TBC1D8: variants seen among roughly 807,000 people sequenced by gnomAD.
TBC1D8 encodes the protein TBC1 domain family member 8.
In TBC1D8, 65 loss-of-function variants were observed where a neutral mutation model predicts 118.8. The ratio of observed to expected loss-of-function variants is 0.55; its 90% CI spans 0.45 to 0.67. TBC1D8 has a LOEUF of 0.67. Ranked by LOEUF, TBC1D8 falls within the 30% of genes least tolerant of loss-of-function variation. The pLI is 0.00. For missense variants in TBC1D8, 1,376 were observed against 1,471.2 expected, an observed-to-expected ratio of 0.94 and a Z score of 1.06; for synonymous variants, 566 against 595.8, an observed-to-expected ratio of 0.95 and a Z score of 0.73.
At chr2:101,043,827 C>A (rs1235514985) in intron 5 of TBC1D8, among the ~76,000 whole-genome samples, 2 of 152,096 alleles carry the variant, frequency 1.3e-5, no homozygotes, top group Non-Finnish European at 2.9e-5. Flanking sequence ...GTAAACCCAG[C>A]TGCTCAGGAG....
chr2:101,097,574 C>G (rs1676550649), intron 1 of TBC1D8, among the ~76,000 whole-genome samples: 1 of 150,970 alleles, frequency 6.6e-6, no homozygotes, highest in Non-Finnish European at 1.5e-5. Context: ...AAAAAATGCA[C>G]CTGCATTTAG....
chr2:101,072,446 G>A (rs796545796), intron 2 of TBC1D8, among the ~76,000 whole-genome samples: 3 of 152,120 alleles, frequency 2.0e-5, no homozygotes, highest in Non-Finnish European at 2.9e-5. Context: ...ACCAAATCTC[G>A]TGTGAACTGA....
chr2:101,054,662 C>CTTTTT (rs1682290047), intron 3 of TBC1D8, among the ~76,000 whole-genome samples: 2 of 37,842 alleles, frequency 5.3e-5, no homozygotes, highest in Admixed American at 4.4e-4. Flanking sequence ...CAATCATTTT[C>CTTTTT]TTTTCTTTTC....
chr2:101,070,469 G>A (rs1683252314), intron 2 of TBC1D8, among the ~76,000 whole-genome samples: 1 of 149,302 alleles, frequency 6.7e-6, no homozygotes, highest in Non-Finnish European at 1.5e-5. Flanking sequence ...CTGGAGTGCA[G>A]TGGCACAATA....
chr2:101,142,632 A>G (rs1185863696), intron 1 of TBC1D8, among the ~76,000 whole-genome samples: 1 of 152,202 alleles, frequency 6.6e-6, no homozygotes, highest in Non-Finnish European at 1.5e-5. Flanking sequence ...AACATAATGC[A>G]GGGGGTGGGG....
chr2:101,105,178 G>A (rs148237231), intron 1 of TBC1D8, among the ~76,000 whole-genome samples: 1 of 152,106 alleles, frequency 6.6e-6, no homozygotes, highest in African/African-American at 2.4e-5. Flanking sequence ...GCTCTGCAAA[G>A]GACACCTGAG....
chr2:101,093,788 C>A (rs1676208170), intron 1 of TBC1D8, among the ~76,000 whole-genome samples: 1 of 151,860 alleles, frequency 6.6e-6, no homozygotes, highest in African/African-American at 2.4e-5. Flanking sequence ...TGGCTCACTG[C>A]AACCTCCGCC....
intron 1 of TBC1D8, among the ~76,000 whole-genome samples, chr2:101,092,042 C>T (rs1327018699): frequency 6.6e-6 from 1 of 152,214 alleles, no homozygotes; most frequent in African/African-American, 2.4e-5. Flanking sequence ...GCCCTGCCAT[C>T]TAATCATAAG....
chr2:101,096,635 T>C (rs1322839869), intron 1 of TBC1D8, among the ~76,000 whole-genome samples: 2 of 151,768 alleles, frequency 1.3e-5, no homozygotes, highest in Non-Finnish European at 2.9e-5. Flanking sequence ...TGAGGAAGAA[T>C]TAATAAGAAA....
At chr2:101,038,202 A>G (rs1009308763) in intron 7 of TBC1D8, among the ~76,000 whole-genome samples, 5 of 152,182 alleles carry the variant, frequency 3.3e-5, no homozygotes, top group Admixed American at 6.5e-5. Flanking sequence ...ACGTGCCTCC[A>G]ATCAGGCCAT....
At chr2:101,100,379 A>C (rs1676748642) in intron 1 of TBC1D8, among the ~76,000 whole-genome samples, 1 of 152,188 alleles carries the variant, frequency 6.6e-6, no homozygotes, top group Non-Finnish European at 1.5e-5. Context: ...AAACAAATGG[A>C]AAAACATTTC....
chr2:101,069,623 A>C (rs1683201396), intron 2 of TBC1D8, among the ~76,000 whole-genome samples: 1 of 152,152 alleles, frequency 6.6e-6, no homozygotes. Flanking sequence ...AATAACTAGA[A>C]AATAAGGTGC....
intron 2 of TBC1D8, among the ~76,000 whole-genome samples, chr2:101,075,184 G>C (rs765363410): frequency 1.3e-5 from 2 of 152,144 alleles, no homozygotes; most frequent in African/African-American, 2.4e-5. Context: ...ATCACCTGAG[G>C]TCAGGAGTTT....
intron 2 of TBC1D8, among the ~76,000 whole-genome samples, chr2:101,078,183 C>T (rs1405592063): frequency 6.6e-6 from 1 of 152,212 alleles, no homozygotes; most frequent in East Asian, 1.9e-4. Flanking sequence ...TTGAGTAACA[C>T]AACTCCAGTC....
rs571732049 is a variant in TBC1D8 at position 101,150,853 on chromosome 2, C to G, written c.127+274G>C. ...GGCGTTTCTCCTTCGATTCCCAAGT[C>G]GAGTCCGGCCTCCAGCTCACCGGGC... On this transcript the variant is annotated intron_variant, in intron 1 of 19. Coordinates refer to ENST00000409318, the MANE Select transcript of TBC1D8 (RefSeq NM_001330348.2). 3.3e-5 allele frequency among the ~76,000 whole-genome samples: 5 copies of G among 152,248 alleles called. No individual in the cohort carries two copies. In the East Asian group the frequency reaches 9.7e-4, roughly 29 times the overall value.
chr2:101,017,320 T>C (rs145271492), intron 17 of TBC1D8, among the ~76,000 whole-genome samples: 60 of 152,300 alleles, frequency 3.9e-4, no homozygotes, highest in African/African-American at 1.4e-3. Flanking sequence ...TGATAAATAG[T>C]ATAGTAATTA....
intron 8 of TBC1D8, 29 bp downstream of exon 8, chr2:101,037,503 G>A: frequency 6.2e-7 from 1 of 1,607,204 alleles, no homozygotes; most frequent in Non-Finnish European, 8.5e-7. Context: ...CAGCTTTGTG[G>A]TCCAGCTTGG....
At chr2:101,054,729 C>A (rs1682314910) in intron 3 of TBC1D8, among the ~76,000 whole-genome samples, 1 of 122,456 alleles carries the variant, frequency 8.2e-6, no homozygotes, top group African/African-American at 3.1e-5. Context: ...GTTGCCCAGG[C>A]TGGAGTGCAG....
chr2:101,117,299 G>T (rs777797509), intron 1 of TBC1D8, among the ~76,000 whole-genome samples: 1 of 152,150 alleles, frequency 6.6e-6, no homozygotes, highest in Non-Finnish European at 1.5e-5. Flanking sequence ...TCAGGCCCTG[G>T]CTCTTTTCCA....
Sources: allele counts gnomAD v4.1 joint callset (sites outside exome capture counted in the v4.1 genomes callset), GRCh38; gene constraint gnomAD v4.1.1; transcripts MANE v1.5; gene names NCBI Gene and HGNC (gene_info 2026-07-23, HGNC 2026-07-21).